The following ZNF385D variants were observed in gnomAD, a reference collection of about 807,000 sequenced individuals.
ZNF385D encodes the protein zinc finger protein 659.
In ZNF385D, 15 loss-of-function variants were observed where a neutral mutation model predicts 35.8. The ratio of observed to expected loss-of-function variants is 0.42; its 90% CI spans 0.28 to 0.64. The LOEUF is 0.64. Ranked by LOEUF, ZNF385D falls within the 30% of genes least tolerant of loss-of-function variation. The probability of loss-of-function intolerance (pLI) is 0.23; values close to 1 mark genes in which losing one functional copy is unlikely to be tolerated. For missense variants in ZNF385D, 474 were observed against 494.6 expected, an observed-to-expected ratio of 0.96 and a Z score of 0.39; for synonymous variants, 212 against 186.8, an observed-to-expected ratio of 1.13 and a Z score of -1.10.
intron 1 of ZNF385D, among the ~76,000 whole-genome samples, chr3:21,746,359 C>G (rs2069770745): frequency 6.6e-6 from 1 of 152,186 alleles, no homozygotes; most frequent in Non-Finnish European, 1.5e-5. Context: ...ATCCATGTCA[C>G]TGGCATGTTG....
At position 21,709,345 on chromosome 3, in the gene ZNF385D, A is replaced by G. The variant is rs535600076; in HGVS notation, c.22+41550T>C. Among the ~76,000 whole-genome samples, 4 of 152,272 alleles carry G rather than the reference A, an allele frequency of 2.6e-5. No individual in the cohort carries two copies. In the East Asian group the frequency reaches 7.7e-4, roughly 29 times the overall value. ...ATGACTTTCTAATTTTTCGAGCCAGAGTTGTCTGTACCTGCTTTTTACTAA... is the reference window on the plus strand; with the variant it reads ...ATGACTTTCTAATTTTTCGAGCCAGGGTTGTCTGTACCTGCTTTTTACTAA... On this transcript the variant is annotated intron_variant, in intron 1 of 7. Coordinates refer to ENST00000281523, the MANE Select transcript of ZNF385D (RefSeq NM_024697.3).
At chr3:22,045,638 G>T (rs751122025) in intron 3 of ZNF385D, among the ~76,000 whole-genome samples, 2 of 152,120 alleles carry the variant, frequency 1.3e-5, no homozygotes, top group Non-Finnish European at 2.9e-5. Flanking sequence ...CTCATTTCTA[G>T]TGCTGAGTAA....
intron 2 of ZNF385D, among the ~76,000 whole-genome samples, chr3:21,645,856 T>C (rs1216116834): frequency 3.9e-5 from 6 of 152,212 alleles, no homozygotes; most frequent in Non-Finnish European, 1.5e-5. Flanking sequence ...TCTAGGTCCA[T>C]GTTCAGCATT....
At chr3:22,243,265 T>G (rs182040826) in intron 2 of ZNF385D, among the ~76,000 whole-genome samples, 4 of 151,096 alleles carry the variant, frequency 2.6e-5, no homozygotes, top group African/African-American at 7.3e-5. Context: ...AATAAGCACA[T>G]GAAAAGATGT....
At position 21,530,515 on chromosome 3, in the gene ZNF385D, A is replaced by G. The variant is rs185710925; in HGVS notation, c.277-19492T>C. On this transcript the variant is annotated intron_variant, in intron 3 of 7. Transcript: ENST00000281523. ...TCATGCTCTTTGGGAGACCTTAACT[A>G]CTTGCCTCCAATCAGCTTTGGATTA... 8.7e-4 allele frequency among the ~76,000 whole-genome samples: 132 copies of G among 152,288 alleles called. No individual in the cohort carries two copies. The Middle Eastern group carries it at 0.01, about 12-fold the overall frequency.
intron 1 of ZNF385D, among the ~76,000 whole-genome samples, chr3:21,723,700 A>T (rs2068636178): frequency 6.6e-6 from 1 of 152,186 alleles, no homozygotes; most frequent in African/African-American, 2.4e-5. Flanking sequence ...TGACAGGGAG[A>T]ATAGAACCAA....
chr3:22,275,682 A>C (rs1701390790), intron 2 of ZNF385D, among the ~76,000 whole-genome samples: 1 of 152,182 alleles, frequency 6.6e-6, no homozygotes, highest in African/African-American at 2.4e-5. Context: ...AACTTTAATA[A>C]ATGACAGAAA....
chr3:21,562,318 T>TAAAGC (rs1358462915), intron 3 of ZNF385D, among the ~76,000 whole-genome samples: 1 of 152,144 alleles, frequency 6.6e-6, no homozygotes, highest in African/African-American at 2.4e-5. Context: ...ATGTGTTTTC[T>TAAAGC]AAAGCATGTC....
intron 2 of ZNF385D, among the ~76,000 whole-genome samples, chr3:21,598,795 A>G (rs2064198373): frequency 6.6e-6 from 1 of 152,216 alleles, no homozygotes; most frequent in Non-Finnish European, 1.5e-5. Context: ...TTCACGACAT[A>G]TGTTCTCATG....
chr3:21,662,142 TATC>T (rs1196047951), intron 2 of ZNF385D, among the ~76,000 whole-genome samples: 1 of 152,090 alleles, frequency 6.6e-6, no homozygotes, highest in African/African-American at 2.4e-5. Flanking sequence ...GTTCATCACT[TATC>T]ATCAAAGAAG....
intron 3 of ZNF385D, among the ~76,000 whole-genome samples, chr3:21,809,675 C>CACATATAT (rs2072821131): frequency 1.2e-5 from 1 of 82,266 alleles, no homozygotes; most frequent in Non-Finnish European, 2.8e-5. Flanking sequence ...CACATATATA[C>CACATATAT]ACACATATAT....
chr3:21,552,965 G>A (rs1322183649), intron 3 of ZNF385D, among the ~76,000 whole-genome samples: 1 of 152,210 alleles, frequency 6.6e-6, no homozygotes, highest in Non-Finnish European at 1.5e-5. Flanking sequence ...AGGCAGAAGA[G>A]TGAGGCAATG....
intron 3 of ZNF385D, among the ~76,000 whole-genome samples, chr3:21,526,120 A>C (rs1227423112): frequency 6.6e-6 from 1 of 152,206 alleles, no homozygotes; most frequent in East Asian, 1.9e-4. Context: ...GTGTTAAAAC[A>C]ACAAAAGAAC....
intron 2 of ZNF385D, among the ~76,000 whole-genome samples, chr3:22,273,293 A>G (rs1221713827): frequency 6.6e-6 from 1 of 152,034 alleles, no homozygotes; most frequent in Non-Finnish European, 1.5e-5. Context: ...CATCAGCTGC[A>G]CAGTAAACTA....
intron 1 of ZNF385D, among the ~76,000 whole-genome samples, chr3:21,727,922 C>T (rs2068834327): frequency 6.6e-6 from 1 of 152,128 alleles, no homozygotes; most frequent in African/African-American, 2.4e-5. Context: ...CCCAAATGTC[C>T]ATCAATGATA....
rs147953601 is a variant in ZNF385D at position 21,873,800 on chromosome 3, A to G, written c.326-208772T>C. Among the ~76,000 whole-genome samples, 1,227 of 152,252 alleles carry G rather than the reference A, an allele frequency of 8.1e-3. 18 individuals are homozygous for G. The highest frequency in any genetic ancestry group is 9.9e-3 in the Non-Finnish European group (675 of 67,992). On this transcript the variant is annotated intron_variant, in intron 3 of 5. Transcript: ENST00000494108. ...TTTCAAGGTCCATCTATGATGTCAC[A>G]TATTACAATATTTCCTTCTTTTGAA...
intron 1 of ZNF385D, among the ~76,000 whole-genome samples, chr3:21,701,059 G>A (rs1559531699): frequency 6.6e-6 from 1 of 152,136 alleles, no homozygotes; most frequent in African/African-American, 2.4e-5. Flanking sequence ...ACAATCTGAA[G>A]GCAGAATGAG....
At chr3:21,943,314 A>C (rs956757501) in intron 3 of ZNF385D, among the ~76,000 whole-genome samples, 3 of 151,508 alleles carry the variant, frequency 2.0e-5, no homozygotes, top group African/African-American at 7.3e-5. Context: ...GTGTGTATAT[A>C]TATGTATATA....
chr3:21,481,497 G>A (rs1324822345), intron 4 of ZNF385D, among the ~76,000 whole-genome samples: 3 of 152,026 alleles, frequency 2.0e-5, no homozygotes, highest in Non-Finnish European at 4.4e-5. Flanking sequence ...AGAATTCATC[G>A]CCTCATGAGA....
Sources: gnomAD v4.1 joint callset for allele counts (sites outside exome capture counted in the v4.1 genomes callset) on GRCh38, gnomAD v4.1.1 for gene constraint, MANE v1.5 for transcripts, NCBI Gene and HGNC (gene_info 2026-07-23, HGNC 2026-07-21) for gene names.